KCNQ3: variants seen among roughly 807,000 people sequenced by gnomAD.
KCNQ3 encodes potassium voltage-gated channel subfamily KQT member 3.
A neutral mutation model predicts 92.5 loss-of-function variants in KCNQ3; 30 were observed. That is an observed-to-expected ratio of 0.32 (90% CI 0.24 to 0.44). The LOEUF is 0.44. Among genes scored for constraint, KCNQ3 ranks in the 20% least tolerant of loss-of-function variants. KCNQ3 has a pLI of 1.00. For missense variants in KCNQ3, 913 were observed against 1,140.3 expected (o/e 0.80, Z 2.87); for synonymous variants, 450 against 468.8 (o/e 0.96, Z 0.52).
chr8:132,136,422 G>A (rs1825095749), intron 12 of KCNQ3, among the ~76,000 whole-genome samples: 1 of 151,942 alleles, frequency 6.6e-6, no homozygotes, highest in African/African-American at 2.4e-5. Flanking sequence ...TTTTTCAAAG[G>A]GCATTTTTAC....
chr8:132,357,530 T>C (rs1819050903), intron 1 of KCNQ3, among the ~76,000 whole-genome samples: 1 of 152,170 alleles, frequency 6.6e-6, no homozygotes, highest in Non-Finnish European at 1.5e-5. Context: ...CTGCACACAG[T>C]GATGTGAGGT....
At chr8:132,424,077 C>T (rs1461659609) in intron 1 of KCNQ3, among the ~76,000 whole-genome samples, 3 of 152,144 alleles carry the variant, frequency 2.0e-5, no homozygotes, top group East Asian at 3.9e-4. Context: ...CATGTCACAT[C>T]GCTGTGGCTG....
chr8:132,451,651 A>G (rs1278947692), intron 1 of KCNQ3, among the ~76,000 whole-genome samples: 1 of 152,224 alleles, frequency 6.6e-6, no homozygotes, highest in African/African-American at 2.4e-5. Context: ...AGGAAGGAAG[A>G]AAGGCGTCTA....
intron 1 of KCNQ3, among the ~76,000 whole-genome samples, chr8:132,190,102 A>T (rs1827115594): frequency 6.6e-6 from 1 of 152,122 alleles, no homozygotes; most frequent in African/African-American, 2.4e-5. Flanking sequence ...GGAAAAGGAG[A>T]CAGGTTGGTG....
At chr8:132,338,980 G>C (rs1282294062) in intron 1 of KCNQ3, among the ~76,000 whole-genome samples, 1 of 152,190 alleles carries the variant, frequency 6.6e-6, no homozygotes, top group Non-Finnish European at 1.5e-5. Flanking sequence ...AGAATGAAGA[G>C]AGACCACAGG....
rs151089808 is a variant in KCNQ3, at chr8:132,476,520, A to G, written c.386+3627T>C. On this transcript the variant is annotated intron_variant, in intron 1 of 14. Transcript: ENST00000388996. ...GGCCTGGATGTGAGACATGGAATCA[A>G]AGGACATTATTTTGGAGCTTTTTTA... 2.8e-3 allele frequency among the ~76,000 whole-genome samples: 427 copies of G among 152,318 alleles called. 16 individuals are homozygous for G. In the East Asian group the frequency reaches 0.062, roughly 22 times the overall value.
chr8:132,363,262 G>A (rs1819221705), intron 1 of KCNQ3, among the ~76,000 whole-genome samples: 2 of 152,140 alleles, frequency 1.3e-5, no homozygotes, highest in Non-Finnish European at 2.9e-5. Flanking sequence ...GGCGTCATTT[G>A]GAAAATGAGT....
chr8:132,236,648 C>T (rs1257066453), intron 1 of KCNQ3, among the ~76,000 whole-genome samples: 2 of 152,072 alleles, frequency 1.3e-5, no homozygotes, highest in Non-Finnish European at 2.9e-5. Context: ...CTGCATAATT[C>T]CAAGCAGTGT....
At chr8:132,465,469 G>C (rs1317925255) in intron 1 of KCNQ3, among the ~76,000 whole-genome samples, 1 of 151,766 alleles carries the variant, frequency 6.6e-6, no homozygotes, top group Non-Finnish European at 1.5e-5. Flanking sequence ...GCTCATGCCT[G>C]TAATCCCAGC....
At chr8:132,292,001 C>A (rs1292624418) in intron 1 of KCNQ3, among the ~76,000 whole-genome samples, 1 of 152,208 alleles carries the variant, frequency 6.6e-6, no homozygotes, top group East Asian at 1.9e-4. Context: ...GCCCACCCCA[C>A]CTTTATCCTA....
At chr8:132,238,450 G>A (rs983676947) in intron 1 of KCNQ3, among the ~76,000 whole-genome samples, 1 of 152,088 alleles carries the variant, frequency 6.6e-6, no homozygotes, top group Non-Finnish European at 1.5e-5. Context: ...AAGAGAGCAG[G>A]CTCCTGACCT....
At chr8:132,256,469 T>C (rs1815592985) in intron 1 of KCNQ3, among the ~76,000 whole-genome samples, 1 of 152,094 alleles carries the variant, frequency 6.6e-6, no homozygotes. Context: ...ACTTCCAAAA[T>C]TTGATGAAAA....
chr8:132,186,956 C>G (rs59355717), intron 1 of KCNQ3, among the ~76,000 whole-genome samples: 9,314 of 93,442 alleles, frequency 0.1, 122 homozygotes, highest in African/African-American at 0.13. Flanking sequence ...GAGAGAGAGA[C>G]AGAGAGAGAG....
At chr8:132,404,360 T>C (rs72721054) in intron 1 of KCNQ3, among the ~76,000 whole-genome samples, 4,358 of 152,352 alleles carry the variant, frequency 0.029, 82 homozygotes, top group Non-Finnish European at 0.046. Flanking sequence ...CCCCAGACAC[T>C]TAATCAAACA....
intron 1 of KCNQ3, among the ~76,000 whole-genome samples, chr8:132,187,891 G>T (rs1227966797): frequency 3.2e-5 from 3 of 95,078 alleles, no homozygotes; most frequent in Non-Finnish European, 6.5e-5. Context: ...GGTGGCGGTG[G>T]TGGTGGTGGT....
At chr8:132,212,487 C>G (rs1328926198) in intron 1 of KCNQ3, among the ~76,000 whole-genome samples, 3 of 151,988 alleles carry the variant, frequency 2.0e-5, no homozygotes, top group Non-Finnish European at 2.9e-5. Flanking sequence ...TAAACCTGGT[C>G]TTCTAGGACT....
intron 1 of KCNQ3, among the ~76,000 whole-genome samples, chr8:132,266,827 G>GA (rs1447564536): frequency 6.6e-6 from 1 of 152,144 alleles, no homozygotes. Context: ...ACCACAGTTG[G>GA]AAAACTTCTG....
At chr8:132,355,871 T>G (rs1235508409) in intron 1 of KCNQ3, among the ~76,000 whole-genome samples, 1 of 152,232 alleles carries the variant, frequency 6.6e-6, no homozygotes, top group Non-Finnish European at 1.5e-5. Context: ...ATCCTGAATT[T>G]GCCTTCAGAA....
chr8:132,191,508 A>T (rs1162884047), intron 1 of KCNQ3, among the ~76,000 whole-genome samples: 1 of 151,282 alleles, frequency 6.6e-6, no homozygotes, highest in Non-Finnish European at 1.5e-5. Flanking sequence ...ATACATATAT[A>T]TGTATCTCTC....
Sources: gnomAD v4.1 joint callset for allele counts (sites outside exome capture counted in the v4.1 genomes callset) on GRCh38, gnomAD v4.1.1 for gene constraint, MANE v1.5 for transcripts, NCBI Gene and HGNC (gene_info 2026-07-23, HGNC 2026-07-21) for gene names.